The following CFAP100 variants were observed in gnomAD, a reference collection of about 807,000 sequenced individuals.
The protein encoded by CFAP100 is cilia and flagella associated protein 100, also known as cilia- and flagella-associated protein 100.
CFAP100 carries 70 observed loss-of-function variants against 81.5 expected under a neutral mutation model. The observed-to-expected ratio is 0.86, with a 90% CI of 0.71 to 1.05. The LOEUF is 1.05. CFAP100 is among the 50% of genes least tolerant of loss of function. CFAP100 has a pLI of 0.00. For missense variants in CFAP100, 811 were observed against 776.5 expected (o/e 1.04, Z -0.53); for synonymous variants, 341 against 314.8 (o/e 1.08, Z -0.88).
intron 13 of CFAP100, among the ~76,000 whole-genome samples, chr3:126,428,442 A>G (rs1415924258): frequency 6.6e-6 from 1 of 152,220 alleles, no homozygotes; most frequent in Admixed American, 6.5e-5. Flanking sequence ...ATGGATACAT[A>G]TCATTATATA....
At chr3:126,425,448 A>G (rs1489517879) in intron 13 of CFAP100, among the ~76,000 whole-genome samples, 1 of 152,272 alleles carries the variant, frequency 6.6e-6, no homozygotes, top group Non-Finnish European at 1.5e-5. Context: ...CCCCAGGCTC[A>G]GATGGGTTTG....
At chr3:126,422,640 C>G (rs1057042326) in intron 11 of CFAP100, among the ~76,000 whole-genome samples, 1 of 152,188 alleles carries the variant, frequency 6.6e-6, no homozygotes, top group African/African-American at 2.4e-5. Flanking sequence ...GCTCACACAG[C>G]TTGTTCCCAG....
rs898223928 is a variant in CFAP100, at chr3:126,434,521, C to T, written c.1628+140C>T. 4 of 810,072 alleles carry T rather than the reference C, an allele frequency of 4.9e-6. No individual in the cohort carries two copies. The Admixed American group carries it at 1.2e-4, about 24-fold the overall frequency. 50.2% of individuals were successfully genotyped at this position (810,072 alleles called of 1,614,324 possible). A position where few individuals can be genotyped will look rare whatever the true frequency, so the allele number is the denominator to read the frequency against. The stretch of plus-strand genomic sequence containing the variant: ...TGCTATGAGAGACAAAAGCCCATGT[C>T]TTGGGGGGATCTAGAGGGGCATCAC... On this transcript the variant is annotated intron_variant, in intron 15 of 16. Transcript: ENST00000352312.
chr3:126,418,402 G>A (rs2083275103), intron 5 of CFAP100, 56 bp from the exon 6 acceptor site: 1 of 1,551,978 alleles, frequency 6.4e-7, no homozygotes, highest in African/African-American at 1.4e-5. Context: ...AGACCTGCCA[G>A]GCCCCTCCTC....
intron 11 of CFAP100, among the ~76,000 whole-genome samples, chr3:126,421,880 G>T (rs1160622456): frequency 6.6e-6 from 1 of 152,228 alleles, no homozygotes; most frequent in East Asian, 1.9e-4. Flanking sequence ...CCCTGCTGGT[G>T]GGGGGACATT....
In CFAP100 at chr3:126,435,650, AAGGT is replaced by A; in HGVS notation, c.1722+2_1722+5del. ...GCGCGCCCAGGCTGAGATCAAGAAG[AAGGT>A]AGGCAGGGTCGCCTTGGGGGGTCTC... On this transcript the variant is annotated splice_donor_variant and coding_sequence_variant, in exon 16 of 17. Transcript: ENST00000352312. LOFTEE classifies it high-confidence loss of function. 1.2e-6 allele frequency: 2 copies of A among 1,610,228 alleles called. No homozygotes were observed. The highest frequency in any genetic ancestry group is 1.7e-6 in the Non-Finnish European group (2 of 1,177,386).
intron 12 of CFAP100, 52 bp from the exon 13 acceptor site, chr3:126,423,441 G>A (rs2083363611): frequency 6.2e-7 from 1 of 1,609,184 alleles, no homozygotes; most frequent in Non-Finnish European, 8.5e-7. Context: ...CCCCACCCCT[G>A]CCCCTCTGGC....
rs1933313192 is a variant in CFAP100, at chr3:126,433,463, G to T, written c.1422+259G>T. 4 of 456,118 alleles carry T rather than the reference G, an allele frequency of 8.8e-6. No homozygotes were observed. The South Asian group carries it at 1.2e-4, about 13-fold the overall frequency. The allele number at this position is 456,118 out of a possible 1,614,324, so 28.3% of individuals were successfully genotyped here. ...TGTCTGCTTCTTAAACACATATATT[G>T]TGTCTGGCAAGGTGATCCTGAAGGG... On this transcript the variant is annotated intron_variant, in intron 14 of 16. Transcript: ENST00000352312.
At chr3:126,415,908 A>T (rs1011800772) in intron 4 of CFAP100, among the ~76,000 whole-genome samples, 4 of 152,224 alleles carry the variant, frequency 2.6e-5, no homozygotes, top group Admixed American at 6.5e-5. Flanking sequence ...GTGACCTTCC[A>T]GCTAGGCTAC....
At chr3:126,430,766 G>T (rs1026301493) in intron 13 of CFAP100, among the ~76,000 whole-genome samples, 13 of 149,024 alleles carry the variant, frequency 8.7e-5, no homozygotes, top group South Asian at 2.1e-4. Flanking sequence ...TAATTTCTGG[G>T]TTTTTTTTTA....
Position 126,418,788 on chromosome 3 carries a change from C to T in CFAP100, c.650+14C>T, listed in dbSNP as rs936694527. 11 of 1,569,566 alleles carry T rather than the reference C, an allele frequency of 7.0e-6. No homozygotes were observed. Among genetic ancestry groups the T allele is most frequent in the Middle Eastern group, 1.9e-4 (1 of 5,252 alleles). On this transcript the variant is annotated intron_variant, in intron 7 of 16. Transcript: ENST00000352312. The stretch of plus-strand genomic sequence containing the variant: ...GGCCATGAGAGCGTGAGCCTGCGGG[C>T]CCGAGGGGCTGGCTGGGCAATGCCG...
intron 2 of CFAP100, among the ~76,000 whole-genome samples, chr3:126,397,332 C>T (rs2082904870): frequency 6.6e-6 from 1 of 152,132 alleles, no homozygotes; most frequent in African/African-American, 2.4e-5. Context: ...CTTAGGTGTG[C>T]ACACGCTCTC....
chr3:126,403,004 C>T (rs1311965707), intron 2 of CFAP100, among the ~76,000 whole-genome samples: 2 of 152,064 alleles, frequency 1.3e-5, no homozygotes, highest in Non-Finnish European at 2.9e-5. Flanking sequence ...TCGGGGATGC[C>T]TTGTCTCCTC....
At chr3:126,396,085 CA>C (rs1560057098) in intron 2 of CFAP100, 36 bp downstream of exon 2, 4 of 1,563,902 alleles carry the variant, frequency 2.6e-6, no homozygotes, top group Non-Finnish European at 3.5e-6. Context: ...TCTCAGAGGT[CA>C]GGGGCAGCTT....
intron 3 of CFAP100, among the ~76,000 whole-genome samples, chr3:126,407,513 G>A (rs1299596204): frequency 1.3e-5 from 2 of 152,154 alleles, no homozygotes; most frequent in Non-Finnish European, 2.9e-5. Flanking sequence ...AATCACTCAG[G>A]TGACCAGGTC....
rs79084448 is a variant in CFAP100 at position 126,427,003 on chromosome 3, A to G, written c.1286+3359A>G. ...AGGAAAGCTGTAAAACTCTGATGAA[A>G]TCAAAGGAAAATAAATAGAGAGATA... On this transcript the variant is annotated intron_variant, in intron 13 of 16. Transcript: ENST00000352312. Among the ~76,000 whole-genome samples, 526 of 152,348 alleles carry G rather than the reference A, an allele frequency of 3.5e-3. 5 individuals are homozygous for G. The highest frequency in any genetic ancestry group is 0.012 in the African/African-American group (482 of 41,582).
intron 3 of CFAP100, among the ~76,000 whole-genome samples, chr3:126,410,544 C>G (rs1406899024): frequency 3.3e-5 from 5 of 152,028 alleles, no homozygotes; most frequent in African/African-American, 1.2e-4. Context: ...CTCTGTCACT[C>G]AGGCTGGAGT....
intron 5 of CFAP100, 165 bp downstream of exon 5, chr3:126,416,673 G>A (rs1031320420): frequency 1.1e-5 from 6 of 566,968 alleles, no homozygotes; most frequent in Non-Finnish European, 1.8e-5. Context: ...CTCCAGGGGG[G>A]TCCCAAAGCT....
Position 126,420,099 on chromosome 3 carries a change from C to T in CFAP100, c.956-4C>T, listed in dbSNP as rs1461026022. 1.9e-6 allele frequency: 3 copies of T among 1,613,320 alleles called. No individual in the cohort carries two copies. Among genetic ancestry groups the T allele is most frequent in the Non-Finnish European group, 2.5e-6 (3 of 1,180,000 alleles). ...CTCGGAAACTATTCCTCTGCTTTCT[C>T]CAGAGGGTCAGGGTACAAAGAAGCC... On this transcript the variant is annotated splice_polypyrimidine_tract_variant and splice_region_variant and intron_variant, in intron 10 of 16. Coordinates refer to ENST00000352312, the MANE Select transcript of CFAP100 (RefSeq NM_182628.3).
Sources: gnomAD v4.1 joint callset for allele counts (sites outside exome capture counted in the v4.1 genomes callset) on GRCh38, gnomAD v4.1.1 for gene constraint, MANE v1.5 for transcripts, NCBI Gene and HGNC (gene_info 2026-07-23, HGNC 2026-07-21) for gene names.